The following DGKH variants were observed in gnomAD, a reference collection of about 807,000 sequenced individuals.
The protein encoded by DGKH is DAG kinase eta.
In DGKH, 90 loss-of-function variants were observed where a neutral mutation model predicts 159.3. The observed-to-expected ratio is 0.57, with a 90% CI of 0.48 to 0.67. The LOEUF is 0.67. Ranked by LOEUF, DGKH falls within the 30% of genes least tolerant of loss-of-function variation. The pLI, the probability that DGKH is intolerant of heterozygous loss-of-function variation, is 0.00. For missense variants in DGKH, 1,181 were observed against 1,506.1 expected (o/e 0.78, Z 3.57); for synonymous variants, 536 against 553.8 (o/e 0.97, Z 0.45).
rs200292444 is a variant in DGKH, at chr13:42,162,306, TTCGA to T, written c.855+2171_855+2174del. On this transcript the variant is annotated intron_variant, in intron 7 of 29. Coordinates refer to ENST00000337343, the MANE Select transcript of DGKH (RefSeq NM_178009.5). ...CATGTGAATCACCTGAGGTCAGGAG[TTCGA>T]GACCAGCTTGACCAACATGGTGGAA... Among the ~76,000 whole-genome samples, 542 of 152,114 alleles carry T rather than the reference TTCGA, an allele frequency of 3.6e-3. 9 individuals are homozygous for T. In the East Asian group the frequency reaches 0.047, roughly 13 times the overall value.
At chr13:42,156,614 A>G (rs1442400329) in intron 5 of DGKH, among the ~76,000 whole-genome samples, 1 of 152,152 alleles carries the variant, frequency 6.6e-6, no homozygotes, top group East Asian at 1.9e-4. Context: ...GATTTATTTT[A>G]TTTCATACTT....
chr13:42,220,136 A>C (rs1204401416), intron 28 of DGKH, among the ~76,000 whole-genome samples: 1 of 152,216 alleles, frequency 6.6e-6, no homozygotes, highest in African/African-American at 2.4e-5. Flanking sequence ...TTCTTTCTCA[A>C]CAGCAAGTCA....
chr13:42,229,035 T>C, intron 29 of DGKH, 64 bp from the exon 30 acceptor site: 1 of 1,414,278 alleles, frequency 7.1e-7, no homozygotes, highest in African/African-American at 1.5e-5. Context: ...TTTTTAAAAT[T>C]TTCTTTCTGT....
intron 1 of DGKH, among the ~76,000 whole-genome samples, chr13:42,116,427 T>C (rs1954970202): frequency 6.6e-6 from 1 of 150,920 alleles, no homozygotes; most frequent in Non-Finnish European, 1.5e-5. Flanking sequence ...GAAGTGGAGG[T>C]CATGCTGGGA....
intron 1 of DGKH, among the ~76,000 whole-genome samples, chr13:42,110,801 G>GT (rs1227444936): frequency 2.0e-5 from 3 of 152,192 alleles, no homozygotes; most frequent in Non-Finnish European, 2.9e-5. Context: ...TGAAAAAACT[G>GT]TTATGTCTGG....
In DGKH at chr13:42,189,020, C is replaced by T. The variant is rs777450006; in HGVS notation, c.1639-16C>T. ...TCTTTTTGAGTATTTTTCTCATTGC[C>T]ATATTTTCCTCTCAGTGTTCAGTCC... On this transcript the variant is annotated splice_polypyrimidine_tract_variant and intron_variant, in intron 14 of 29. Coordinates refer to ENST00000337343, the MANE Select transcript of DGKH (RefSeq NM_178009.5). 3.7e-6 allele frequency: 6 copies of T among 1,600,486 alleles called. No homozygotes were observed. The highest frequency in any genetic ancestry group is 1.1e-5 in the South Asian group (1 of 89,694).
chr13:42,170,718 G>A (rs571324667), intron 11 of DGKH, among the ~76,000 whole-genome samples: 184 of 152,258 alleles, frequency 1.2e-3, no homozygotes, highest in Non-Finnish European at 2.0e-3. Context: ...CCAGGTGGGC[G>A]AATTACCTGA....
chr13:42,217,064 T>A (rs1435888418), intron 26 of DGKH, among the ~76,000 whole-genome samples: 2 of 152,242 alleles, frequency 1.3e-5, no homozygotes, highest in Non-Finnish European at 2.9e-5. Flanking sequence ...TTAAAATGTG[T>A]ACTGGTGAAT....
intron 29 of DGKH, among the ~76,000 whole-genome samples, chr13:42,223,443 T>A (rs1032542641): frequency 2.6e-5 from 4 of 152,104 alleles, no homozygotes; most frequent in African/African-American, 9.7e-5. Flanking sequence ...TTTTTAAAAA[T>A]TAATTTATTT....
chr13:42,076,171 G>A (rs534754449), intron 1 of DGKH, among the ~76,000 whole-genome samples: 4 of 152,132 alleles, frequency 2.6e-5, no homozygotes, highest in Non-Finnish European at 5.9e-5. Context: ...TAGGCACCAA[G>A]ACACCAACTT....
intron 1 of DGKH, among the ~76,000 whole-genome samples, chr13:42,122,406 A>G (rs1955092272): frequency 6.6e-6 from 1 of 152,204 alleles, no homozygotes; most frequent in South Asian, 2.1e-4. Context: ...GACTCTCTGC[A>G]GAGTCCCAAG....
At chr13:42,214,717 G>A in intron 25 of DGKH, 105 bp downstream of exon 25, 1 of 947,276 alleles carries the variant, frequency 1.1e-6, no homozygotes, top group Non-Finnish European at 1.5e-6. Context: ...AAGTTATGTT[G>A]TCTATATGAG....
intron 1 of DGKH, among the ~76,000 whole-genome samples, chr13:42,091,093 T>C (rs1418388320): frequency 6.6e-6 from 1 of 152,216 alleles, no homozygotes; most frequent in Non-Finnish European, 1.5e-5. Flanking sequence ...TATTTTGTTA[T>C]AGCAGCACAA....
exon 31 of DGKH, chr13:42,256,510 T>A: frequency 1.1e-6 from 1 of 923,962 alleles, no homozygotes; most frequent in Non-Finnish European, 1.8e-6. Context: ...AGGTAAAAAC[T>A]AAGGACATGC....
At position 42,168,737 on chromosome 13, in the gene DGKH, G is replaced by T; in HGVS notation, c.1286G>T (p.Trp429Leu). ...AATGACCTTGCCCGAGTTCTTGGCT[G>T]GGGAGGTTCATATGACGATGACACC... ...TGNDLARVLGWGGSYDDDTQL... is the reference protein window; with the variant it reads ...TGNDLARVLGLGGSYDDDTQL... Residue 429 changes from tryptophan to leucine, a missense_variant, in exon 11 of 30, where the codon TGG (tryptophan) becomes TTG (leucine). Trp to Leu is a moderately conservative substitution (Grantham distance 61, BLOSUM62 -2). This residue lies in a region of DGKH where 369 missense variants were observed against 519.4 expected (regional missense o/e 0.71). Coordinates refer to ENST00000337343, the MANE Select transcript of DGKH (RefSeq NM_178009.5). 6.2e-7 allele frequency: 1 copy of T among 1,614,136 alleles called. No homozygotes were observed. Among genetic ancestry groups the T allele is most frequent in the Non-Finnish European group, 8.5e-7 (1 of 1,180,014 alleles).
upstream of DGKH, among the ~76,000 whole-genome samples, chr13:42,044,435 G>A (rs907303638): frequency 3.3e-5 from 5 of 152,084 alleles, no homozygotes; most frequent in Admixed American, 1.3e-4. Flanking sequence ...GATTACAGGC[G>A]CGTGCCACCA....
At chr13:42,125,624 A>G (rs1201843537) in intron 1 of DGKH, among the ~76,000 whole-genome samples, 1 of 152,250 alleles carries the variant, frequency 6.6e-6, no homozygotes, top group East Asian at 1.9e-4. Flanking sequence ...TGATTTCATA[A>G]CAGTTCCAGG....
At chr13:42,088,282 G>A (rs1954348229) in intron 1 of DGKH, among the ~76,000 whole-genome samples, 1 of 152,094 alleles carries the variant, frequency 6.6e-6, no homozygotes, top group South Asian at 2.1e-4. Context: ...AGCTATCTAG[G>A]CCAAATAAAA....
chr13:42,239,937 T>C lies in DGKH; in HGVS notation c.*10749T>C, dbSNP rs937177510. ...CATAATCACATGCCATAGATGAACA[T>C]GTTCAAGACTCAGTTCAAATTTAAC... On this transcript the variant is annotated 3_prime_UTR_variant, in exon 30 of 30. Coordinates refer to ENST00000337343, the MANE Select transcript of DGKH (RefSeq NM_178009.5). The C allele has an allele frequency of 1.3e-5, 2 of 152,232 alleles. No homozygotes were observed. Among genetic ancestry groups the C allele is most frequent in the East Asian group, 1.9e-4 (1 of 5,200 alleles). The allele number at this position is 152,232 out of a possible 1,614,324, so 9.4% of individuals were successfully genotyped here. A position where few individuals can be genotyped will look rare whatever the true frequency, so the allele number is the denominator to read the frequency against.
Sources: gnomAD v4.1 joint callset for allele counts (sites outside exome capture counted in the v4.1 genomes callset) on GRCh38, gnomAD v4.1.1 for gene constraint, gnomAD v4.1.1 regional missense constraint, MANE v1.5 for transcripts, NCBI Gene and HGNC (gene_info 2026-07-23, HGNC 2026-07-21) for gene names.